Variants in RILPL1 observed in about 807,000 individuals in gnomAD.
RILPL1 encodes Rab interacting lysosomal protein like 1.
Under a neutral mutation model 50.3 loss-of-function variants are expected in RILPL1, and 33 were observed. That is an observed-to-expected ratio of 0.66 (90% CI 0.50 to 0.88). The LOEUF is 0.88. RILPL1 is among the 40% of genes least tolerant of loss of function. The pLI is 0.00. For synonymous variants in RILPL1, 205 were observed against 228.6 expected (o/e 0.90, Z 0.93); for missense variants, 418 against 542.5 (o/e 0.77, Z 2.28).
chr12:123,488,269 T>A (rs547818278), intron 4 of RILPL1, among the ~76,000 whole-genome samples: 2 of 151,606 alleles, frequency 1.3e-5, no homozygotes, highest in Admixed American at 1.3e-4. Flanking sequence ...CAAGACCTCA[T>A]GTCTACAAAA....
chr12:123,521,588 TATATATATTA>T (rs1237483699), intron 2 of RILPL1, among the ~76,000 whole-genome samples: 64 of 22,776 alleles, frequency 2.8e-3, no homozygotes, highest in African/African-American at 7.3e-3. Context: ...CATATGTGTA[TATATATATTA>T]ATATATATAC....
intron 1 of RILPL1, among the ~76,000 whole-genome samples, chr12:123,529,728 GA>G (rs977028370): frequency 4.0e-5 from 6 of 150,672 alleles, no homozygotes; most frequent in South Asian, 2.1e-4. Context: ...GTCTCTAAAG[GA>G]AAAAAAAATT....
At chr12:123,484,958 C>G (rs1270074977) in intron 5 of RILPL1, 2 of 329,146 alleles carry the variant, frequency 6.1e-6, no homozygotes, top group African/African-American at 4.3e-5. Context: ...CGCGCCCGGC[C>G]TCTCCCATCT....
rs1223180122 is a variant in RILPL1 at position 123,511,963 on chromosome 12, TC to T, written c.460+11531del. ...GTTTGTGTGTGTGTGTGGTGTGAGA[TC>T]TGTGTGTGTGTGAGGTCTGTGTGTG... On this transcript the variant is annotated intron_variant, in intron 2 of 6. Coordinates refer to ENST00000376874, the MANE Select transcript of RILPL1 (RefSeq NM_178314.5). Among the ~76,000 whole-genome samples, 251 of 95,994 alleles carry T rather than the reference TC, an allele frequency of 2.6e-3. 13 individuals carry two copies. The highest frequency in any genetic ancestry group is 9.6e-3 in the African/African-American group (197 of 20,628). 63.0% of individuals were successfully genotyped at this position (95,994 alleles called of 152,430 possible). A position where few individuals can be genotyped will look rare whatever the true frequency, so the allele number is the denominator to read the frequency against.
At position 123,484,334 on chromosome 12, in the gene RILPL1, C is replaced by A; in HGVS notation, c.975-62G>T. 4 of 1,095,736 alleles carry A rather than the reference C, an allele frequency of 3.7e-6. No individual in the cohort carries two copies. In the South Asian group the frequency reaches 5.1e-5, roughly 14 times the overall value. 67.9% of individuals were successfully genotyped at this position (1,095,736 alleles called of 1,614,324 possible). A position where few individuals can be genotyped will look rare whatever the true frequency, so the allele number is the denominator to read the frequency against. The stretch of plus-strand genomic sequence containing the variant: ...AAAGTTCCTTGAGAACTGGAACATT[C>A]CAGAAGAGAAGTGTCTGATGGTCTG... On this transcript the variant is annotated intron_variant, in intron 5 of 6. Coordinates refer to ENST00000376874, the MANE Select transcript of RILPL1 (RefSeq NM_178314.5).
At chr12:123,481,344 G>A (rs191519981) in intron 6 of RILPL1, among the ~76,000 whole-genome samples, 1 of 148,610 alleles carries the variant, frequency 6.7e-6, no homozygotes, top group East Asian at 2.0e-4. Flanking sequence ...CGGCAATGGA[G>A]TGAGACTCCC....
At chr12:123,529,185 G>A (rs1885364834) in intron 1 of RILPL1, among the ~76,000 whole-genome samples, 2 of 152,136 alleles carry the variant, frequency 1.3e-5, no homozygotes, top group Admixed American at 1.3e-4. Flanking sequence ...CAGCTCAGAT[G>A]TCACCTCCTC....
In RILPL1 at chr12:123,470,325, T is replaced by G. The variant is rs1263286775; in HGVS notation, c.*2213A>C. On this transcript the variant is annotated 3_prime_UTR_variant, in exon 7 of 7. Coordinates refer to ENST00000376874, the MANE Select transcript of RILPL1 (RefSeq NM_178314.5). ...AGACCTGGTCTCTACAAAAAATAAT[T>G]AGCTGGGCATGGTGGTGCACATCAG... 1 of 150,738 alleles carries G rather than the reference T, an allele frequency of 6.6e-6. No homozygotes were observed. Among genetic ancestry groups the G allele is most frequent in the African/African-American group, 2.4e-5 (1 of 40,892 alleles). The allele number at this position is 150,738 out of a possible 1,614,324, so 9.3% of individuals were successfully genotyped here. A position where few individuals can be genotyped will look rare whatever the true frequency, so the allele number is the denominator to read the frequency against.
At chr12:123,512,286 TGAG>T (rs1884357405) in intron 2 of RILPL1, among the ~76,000 whole-genome samples, 1 of 114,424 alleles carries the variant, frequency 8.7e-6, no homozygotes, top group South Asian at 3.2e-4. Flanking sequence ...GGGTGGTGTG[TGAG>T]GTCTGTGTGG....
At chr12:123,532,137 A>G (rs538230697) in intron 1 of RILPL1, among the ~76,000 whole-genome samples, 8 of 152,360 alleles carry the variant, frequency 5.3e-5, no homozygotes, top group Non-Finnish European at 1.2e-4. Flanking sequence ...TGAGGTTCAG[A>G]GAGGCCATCT....
In RILPL1 at chr12:123,484,258, T is replaced by G. The variant is rs765089848; in HGVS notation, c.989A>C (p.Glu330Ala). 1 of 1,607,484 alleles carries G rather than the reference T, an allele frequency of 6.2e-7. No individual in the cohort carries two copies. Among genetic ancestry groups the G allele is most frequent in the Non-Finnish European group, 8.5e-7 (1 of 1,173,976 alleles). The change falls in exon 6 of 7, where the codon GAG becomes GCG. Residue 330 changes from glutamate to alanine, a missense_variant. By Grantham distance (107) the Glu-to-Ala change is moderately radical (BLOSUM62 -1). Transcript: ENST00000376874. ...TGGGGGTTGGGGTATTCGGTTTTCC[T>G]CTTCCATTTCTTCACTGGAAGGAGA... ...LAYYKSEEME[E>A]ENRIPQPPPI...
In RILPL1 at chr12:123,491,713, G is replaced by A. The variant is rs1044926775; in HGVS notation, c.802-5908C>T. Among the ~76,000 whole-genome samples the A allele has an allele frequency of 9.2e-5, 14 of 152,132 alleles. No individual in the cohort carries two copies. The highest frequency in any genetic ancestry group is 1.2e-4 in the Non-Finnish European group (8 of 68,018). On this transcript the variant is annotated intron_variant, in intron 4 of 6. Coordinates refer to ENST00000376874, the MANE Select transcript of RILPL1 (RefSeq NM_178314.5). The surrounding 1 kb of genome is among the most constrained non-coding windows in gnomAD (Gnocchi z 4.0). ...ACAAAACAAAAACAAAACCTGCTACGAAATCAAAACGTGTGGCTGGGCGCG... is the reference window on the plus strand; with the variant it reads ...ACAAAACAAAAACAAAACCTGCTACAAAATCAAAACGTGTGGCTGGGCGCG...
intron 2 of RILPL1, among the ~76,000 whole-genome samples, chr12:123,516,890 A>G (rs1239696341): frequency 6.6e-6 from 1 of 152,024 alleles, no homozygotes; most frequent in Middle Eastern, 3.2e-3. Flanking sequence ...GTGAAACCCT[A>G]TCTCTACAAA....
Position 123,533,089 on chromosome 12 carries a change from C to T in RILPL1, c.309+85G>A, listed in dbSNP as rs1388087022. Reference sequence around the variant, plus strand: ...TCCGGTCCCTGAACACACACACGTGCGCACCCACAGCTGCCCAATGCGGAA... The same window carrying T: ...TCCGGTCCCTGAACACACACACGTGTGCACCCACAGCTGCCCAATGCGGAA... On this transcript the variant is annotated intron_variant, in intron 1 of 6. Transcript: ENST00000376874. This position sits in a 1 kb window ranked among gnomAD's most constrained non-coding sequence, Gnocchi z 6.2. The T allele has an allele frequency of 7.6e-6, 10 of 1,321,220 alleles. No individual in the cohort carries two copies. Among genetic ancestry groups the T allele is most frequent in the African/African-American group, 1.5e-5 (1 of 68,538 alleles). 81.8% of individuals were successfully genotyped at this position (1,321,220 alleles called of 1,614,324 possible).
Position 123,489,492 on chromosome 12 carries a change from G to A in RILPL1, c.802-3687C>T, listed in dbSNP as rs183110538. On this transcript the variant is annotated intron_variant, in intron 4 of 6. Transcript: ENST00000376874. This position sits in a 1 kb window ranked among gnomAD's most constrained non-coding sequence, Gnocchi z 4.0. ...AGCCTGGCCAACATGGTGAAACCCC[G>A]TCTCTACTAAAAAACACAAAAATTA... Among the ~76,000 whole-genome samples the A allele has an allele frequency of 2.6e-3, 395 of 151,988 alleles. 3 individuals are homozygous for A. The highest frequency in any genetic ancestry group is 4.4e-3 in the Non-Finnish European group (301 of 67,954).
At chr12:123,479,009 G>A (rs977496438) in intron 6 of RILPL1, among the ~76,000 whole-genome samples, 4 of 152,138 alleles carry the variant, frequency 2.6e-5, no homozygotes, top group African/African-American at 4.8e-5. Flanking sequence ...TCCCTTGTCC[G>A]GTTCAGTCTA....
intron 4 of RILPL1, among the ~76,000 whole-genome samples, chr12:123,486,130 G>A (rs1484044565): frequency 7.9e-5 from 12 of 151,998 alleles, no homozygotes; most frequent in East Asian, 3.9e-4. Flanking sequence ...CCCCACCCTC[G>A]TACATCTGCT....
At chr12:123,518,500 C>CAAAAAAAAAA in intron 2 of RILPL1, 1 of 81,704 alleles carries the variant, frequency 1.2e-5, no homozygotes, top group Non-Finnish European at 2.9e-5. Context: ...GAGACCTGTC[C>CAAAAAAAAAA]AAAAAAAAAA....
intron 2 of RILPL1, among the ~76,000 whole-genome samples, chr12:123,503,971 A>G (rs1283634135): frequency 1.3e-5 from 2 of 149,818 alleles, no homozygotes; most frequent in East Asian, 3.9e-4. Context: ...ACTGCACTCC[A>G]GCCTGGGTGA....
Sources: allele counts gnomAD v4.1 joint callset (sites outside exome capture counted in the v4.1 genomes callset), GRCh38; gene constraint gnomAD v4.1.1; non-coding constraint Gnocchi (gnomAD v3.1); transcripts MANE v1.5; gene names NCBI Gene and HGNC (gene_info 2026-07-23, HGNC 2026-07-21).